RORA: variants seen among roughly 807,000 people sequenced by gnomAD.
The protein encoded by RORA is nuclear receptor ROR-alpha.
In RORA, 7 loss-of-function variants were observed where a neutral mutation model predicts 69.5. The observed-to-expected ratio is 0.10, with a 90% CI of 0.06 to 0.19. The LOEUF (loss-of-function observed/expected upper bound fraction) is 0.19, where lower values mean the gene tolerates loss of function less well. RORA is among the 10% of genes least tolerant of loss of function. The pLI is 1.00. For synonymous variants in RORA, 261 were observed against 240.8 expected, an observed-to-expected ratio of 1.08 and a Z score of -0.78; for missense variants, 457 against 663.0, an observed-to-expected ratio of 0.69 and a Z score of 3.41.
chr15:60,732,376 T>G (rs1452159794), intron 1 of RORA, among the ~76,000 whole-genome samples: 1 of 151,974 alleles, frequency 6.6e-6, no homozygotes, highest in African/African-American at 2.4e-5. Flanking sequence ...AAAGTCAGGG[T>G]GCCTGTGCAG....
intron 1 of RORA, among the ~76,000 whole-genome samples, chr15:60,724,209 C>T (rs1176626081): frequency 6.6e-6 from 1 of 152,124 alleles, no homozygotes; most frequent in Non-Finnish European, 1.5e-5. Flanking sequence ...TACAATTACC[C>T]TGCTAGATCA....
chr15:60,997,122 G>A (rs1043179220), intron 1 of RORA, among the ~76,000 whole-genome samples: 6 of 151,760 alleles, frequency 4.0e-5, no homozygotes, highest in African/African-American at 1.5e-4. Context: ...GCTTGAATTG[G>A]TTGTTCTCAG....
intron 1 of RORA, among the ~76,000 whole-genome samples, chr15:60,701,479 A>G (rs939341839): frequency 6.6e-6 from 1 of 152,164 alleles, no homozygotes; most frequent in Non-Finnish European, 1.5e-5. Context: ...GTTTCTCTCA[A>G]TTTAGTGTCC....
chr15:60,515,264 C>A (rs2065825729), intron 3 of RORA, among the ~76,000 whole-genome samples: 1 of 152,218 alleles, frequency 6.6e-6, no homozygotes, highest in African/African-American at 2.4e-5. Context: ...AGGCGTTTCT[C>A]ACTCCCCAAG....
At chr15:60,530,968 T>TAA (rs2066509580) in intron 3 of RORA, 1 of 152,200 alleles carries the variant, frequency 6.6e-6, no homozygotes, top group South Asian at 2.1e-4. Flanking sequence ...GAGATTTGAA[T>TAA]AACAGAGGTA....
At chr15:61,185,377 T>C (rs943800873) in intron 1 of RORA, among the ~76,000 whole-genome samples, 4 of 97,404 alleles carry the variant, frequency 4.1e-5, no homozygotes, top group Admixed American at 3.2e-4. Flanking sequence ...GCAACCAGAC[T>C]GGCAGGATCT....
chr15:60,926,544 G>A (rs1249534123), intron 1 of RORA, among the ~76,000 whole-genome samples: 1 of 152,212 alleles, frequency 6.6e-6, no homozygotes, highest in Non-Finnish European at 1.5e-5. Flanking sequence ...TTCTCAGAGA[G>A]GGTATTTGGC....
chr15:60,990,909 G>C (rs12903184), intron 1 of RORA, among the ~76,000 whole-genome samples: 30,697 of 152,162 alleles, frequency 0.2, 3,524 homozygotes, highest in Non-Finnish European at 0.26. Flanking sequence ...TTTAGCTAAA[G>C]TGAGTTACTG....
At chr15:60,878,002 G>A (rs886290213) in intron 1 of RORA, among the ~76,000 whole-genome samples, 2 of 151,828 alleles carry the variant, frequency 1.3e-5, no homozygotes, top group African/African-American at 4.8e-5. Context: ...GTGAGTTTGG[G>A]CTGGGAAGAA....
intron 2 of RORA, among the ~76,000 whole-genome samples, chr15:60,674,015 A>C (rs1047975798): frequency 6.6e-6 from 1 of 152,232 alleles, no homozygotes; most frequent in African/African-American, 2.4e-5. Context: ...CAATGGGCAG[A>C]CAGGATCTGG....
intron 1 of RORA, among the ~76,000 whole-genome samples, chr15:61,228,085 G>A (rs2080164693): frequency 6.6e-6 from 1 of 152,028 alleles, no homozygotes; most frequent in Non-Finnish European, 1.5e-5. Flanking sequence ...ATCGCCAGGG[G>A]AGGAGAAAAC....
chr15:60,751,947 G>A (rs746337239), intron 1 of RORA, among the ~76,000 whole-genome samples: 1 of 152,140 alleles, frequency 6.6e-6, no homozygotes, highest in African/African-American at 2.4e-5. Flanking sequence ...AGTTTGGGAA[G>A]AGATCCGACA....
chr15:61,157,155 A>G (rs1422833287), intron 1 of RORA, among the ~76,000 whole-genome samples: 1 of 152,226 alleles, frequency 6.6e-6, no homozygotes, highest in Non-Finnish European at 1.5e-5. Context: ...ATGAAAAAAG[A>G]ATGACCAAAA....
At chr15:60,985,582 CTTTTTTTT>C (rs11451387) in intron 1 of RORA, among the ~76,000 whole-genome samples, 2 of 100,848 alleles carry the variant, frequency 2.0e-5, no homozygotes, top group South Asian at 6.8e-4. Context: ...AACTCATCCT[CTTTTTTTT>C]TTTTTTTTTT....
chr15:60,890,913 T>C (rs1478717218), intron 1 of RORA, among the ~76,000 whole-genome samples: 6 of 152,148 alleles, frequency 3.9e-5, no homozygotes, highest in East Asian at 1.9e-4. Flanking sequence ...AAGTGCCCAA[T>C]AGTGGGACGA....
chr15:61,100,111 T>TC (rs2078855715), intron 1 of RORA, among the ~76,000 whole-genome samples: 1 of 142,098 alleles, frequency 7.0e-6, no homozygotes, highest in South Asian at 2.3e-4. Context: ...TGGTCAATTT[T>TC]CTTTTTTTTT....
chr15:60,907,228 A>G (rs960903494), intron 1 of RORA, among the ~76,000 whole-genome samples: 3 of 152,214 alleles, frequency 2.0e-5, no homozygotes, highest in Non-Finnish European at 4.4e-5. Context: ...GCTACACGGC[A>G]CAGAAGAGTA....
rs150552475 is a variant in RORA at position 61,181,979 on chromosome 15, A to T, written c.166+47074T>A. ...AATTGGATGTATACCCTTTTGTGAGACTTTGAAAATAGCAATTTATTTCTC... is the reference window on the plus strand; with the variant it reads ...AATTGGATGTATACCCTTTTGTGAGTCTTTGAAAATAGCAATTTATTTCTC... On this transcript the variant is annotated intron_variant, in intron 1 of 10. Transcript: ENST00000335670. Among the ~76,000 whole-genome samples, 10 of 152,302 alleles carry T rather than the reference A, an allele frequency of 6.6e-5. No individual in the cohort carries two copies. The East Asian group carries it at 1.9e-3, about 29-fold the overall frequency.
At chr15:60,999,056 C>T (rs189182397) in intron 1 of RORA, among the ~76,000 whole-genome samples, 1 of 152,288 alleles carries the variant, frequency 6.6e-6, no homozygotes, top group Admixed American at 6.5e-5. Flanking sequence ...ACAGTCACAG[C>T]ATCCCAGAGC....
Sources: allele counts gnomAD v4.1 joint callset (sites outside exome capture counted in the v4.1 genomes callset), GRCh38; gene constraint gnomAD v4.1.1; transcripts MANE v1.5; gene names NCBI Gene and HGNC (gene_info 2026-07-23, HGNC 2026-07-21).